AFF4: variants seen among roughly 807,000 people sequenced by gnomAD.
The protein encoded by AFF4 is ALF transcription elongation factor 4, also known as AF4/FMR2 family member 4.
Under a neutral mutation model 124.8 loss-of-function variants are expected in AFF4, and 13 were observed. The observed-to-expected ratio is 0.10, with a 90% CI of 0.07 to 0.17. The LOEUF (loss-of-function observed/expected upper bound fraction) is 0.17. Ranked by LOEUF, AFF4 falls within the 10% of genes least tolerant of loss-of-function variation. AFF4 has a pLI of 1.00. For missense variants in AFF4, 1,092 were observed against 1,403.8 expected (o/e 0.78, Z 3.55); for synonymous variants, 477 against 496.1 (o/e 0.96, Z 0.51).
At chr5:132,935,758 GA>G (rs765780057) in intron 2 of AFF4, among the ~76,000 whole-genome samples, 113 of 106,128 alleles carry the variant, frequency 1.1e-3, no homozygotes, top group East Asian at 1.7e-3. Flanking sequence ...CTCCATCTCC[GA>G]AAAAAAAAAA....
intron 17 of AFF4, among the ~76,000 whole-genome samples, chr5:132,886,732 A>G (rs1323903219): frequency 6.6e-6 from 1 of 152,232 alleles, no homozygotes; most frequent in Non-Finnish European, 1.5e-5. Flanking sequence ...ATCTAAAATT[A>G]AAAAACAAAA....
At chr5:132,894,900 G>T (rs1307585284) in intron 11 of AFF4, among the ~76,000 whole-genome samples, 2 of 152,162 alleles carry the variant, frequency 1.3e-5, no homozygotes, top group African/African-American at 4.8e-5. Context: ...GTTGCAGTGA[G>T]CTATGAATGC....
intron 5 of AFF4, among the ~76,000 whole-genome samples, chr5:132,919,396 C>T (rs1760987848): frequency 6.6e-6 from 1 of 152,142 alleles, no homozygotes. Context: ...TCAACTACAA[C>T]TGCAAAGGCA....
At chr5:132,943,929 G>T in intron 1 of AFF4, 1 of 163,952 alleles carries the variant, frequency 6.1e-6, no homozygotes, top group South Asian at 1.8e-4. Context: ...CTAAATTCTT[G>T]AAATCTGGTA....
At position 132,934,522 on chromosome 5, in the gene AFF4, A is replaced by T; in HGVS notation, c.543T>A (p.Pro181=). 1 of 1,614,172 alleles carries T rather than the reference A, an allele frequency of 6.2e-7. No individual in the cohort carries two copies. The highest frequency in any genetic ancestry group is 2.2e-5 in the East Asian group (1 of 44,882). Residue 181 remains proline (P), a synonymous_variant, in exon 3 of 21, where the codon CCT becomes CCA. Coordinates refer to ENST00000265343, the MANE Select transcript of AFF4 (RefSeq NM_014423.4). ...SEHSKSRSSS[P]GKPQAVSSLN... ...ATGAAGAAACAGCCTGGGGTTTTCC[A>T]GGGCTGGAAGAACGTGATTTGGAGT...
intron 1 of AFF4, among the ~76,000 whole-genome samples, chr5:132,954,839 G>C (rs934513560): frequency 6.6e-6 from 1 of 152,114 alleles, no homozygotes; most frequent in African/African-American, 2.4e-5. Flanking sequence ...GAGCCACCGC[G>C]CCCGGCCTAG....
chr5:132,884,698 G>A (rs975551595), intron 19 of AFF4, among the ~76,000 whole-genome samples: 16 of 152,182 alleles, frequency 1.1e-4, no homozygotes, highest in African/African-American at 3.4e-4. Context: ...TGGGATGAAA[G>A]TGACGTGGAG....
Position 132,877,472 on chromosome 5 carries a change from A to C in AFF4, c.*3587T>G, listed in dbSNP as rs900402541. ...AATGTGGAAATAGTTGCACTAAGCT[A>C]AAATACTAAACACACACATATTTGA... On this transcript the variant is annotated 3_prime_UTR_variant, in exon 21 of 21. Coordinates refer to ENST00000265343, the MANE Select transcript of AFF4 (RefSeq NM_014423.4). 3 of 214,812 alleles carry C rather than the reference A, an allele frequency of 1.4e-5. No individual in the cohort carries two copies. The highest frequency in any genetic ancestry group is 6.8e-5 in the African/African-American group (3 of 44,298). The allele number at this position is 214,812 out of a possible 1,614,324, so 13.3% of individuals were successfully genotyped here.
chr5:132,907,828 CCA>C (rs1254040425), intron 5 of AFF4, among the ~76,000 whole-genome samples: 1 of 151,746 alleles, frequency 6.6e-6, no homozygotes, highest in East Asian at 1.9e-4. Context: ...TAAAGGCAGC[CCA>C]CAGAGAGGAA....
chr5:132,898,216 C>A lies in AFF4; in HGVS notation c.1389+14G>T, dbSNP rs1181942396. On this transcript the variant is annotated intron_variant, in intron 10 of 20. Transcript: ENST00000265343. ...AGAGGGCCTGTGGAAGGTACCCCAC[C>A]GCCTCTGTCTCACCTCGGGAGATGC... The A allele has an allele frequency of 6.2e-7, 1 of 1,613,648 alleles. No individual in the cohort carries two copies. Among genetic ancestry groups the A allele is most frequent in the African/African-American group, 1.3e-5 (1 of 74,886 alleles).
chr5:132,936,781 T>C (rs780757704), intron 2 of AFF4, among the ~76,000 whole-genome samples: 14 of 152,214 alleles, frequency 9.2e-5, no homozygotes, highest in Non-Finnish European at 1.9e-4. Context: ...AAACGACTTT[T>C]AGGGTGCTGG....
rs201682647 is a variant in AFF4, at chr5:132,896,713, T to C, written c.1917A>G (p.Lys639=). The C allele has an allele frequency of 6.2e-7, 1 of 1,614,212 alleles. No homozygotes were observed. Among genetic ancestry groups the C allele is most frequent in the Non-Finnish European group, 8.5e-7 (1 of 1,180,036 alleles). ...KYKSTSKSSQ[K]SREIIETDTS... ...TATCTGTTTCTATGATTTCCCTTGATTTCTGGGAAGATTTACTTGTTGACT... is the reference window on the plus strand; with the variant it reads ...TATCTGTTTCTATGATTTCCCTTGACTTCTGGGAAGATTTACTTGTTGACT... The change falls in exon 11 of 21, where the codon AAA becomes AAG. Residue 639 remains lysine, a synonymous_variant. Transcript: ENST00000265343.
intron 8 of AFF4, 99 bp downstream of exon 8, chr5:132,899,488 C>T: frequency 9.2e-7 from 1 of 1,091,834 alleles, no homozygotes; most frequent in Non-Finnish European, 1.3e-6. Context: ...TTATAAGAAA[C>T]TTATTTTAAG....
intron 1 of AFF4, among the ~76,000 whole-genome samples, chr5:132,957,078 T>C (rs1761981604): frequency 7.3e-6 from 1 of 136,980 alleles, no homozygotes; most frequent in Non-Finnish European, 1.5e-5. Context: ...CAGTAACTCA[T>C]GCCTGGAATC....
At chr5:132,948,663 A>C (rs1468884757) in intron 1 of AFF4, 1 of 185,738 alleles carries the variant, frequency 5.4e-6, no homozygotes, top group Non-Finnish European at 1.2e-5. Context: ...AACCCTCTCT[A>C]TAGACCATGA....
chr5:132,902,111 G>A (rs1021297846), intron 7 of AFF4, among the ~76,000 whole-genome samples: 3 of 152,136 alleles, frequency 2.0e-5, no homozygotes, highest in African/African-American at 4.8e-5. Context: ...GAAGTGGCAC[G>A]ATCTCGGCTC....
intron 1 of AFF4, among the ~76,000 whole-genome samples, chr5:132,939,182 T>C (rs978701577): frequency 1.5e-5 from 2 of 135,930 alleles, no homozygotes; most frequent in African/African-American, 5.7e-5. Context: ...GTGCCACTGA[T>C]CTCCAGCCTG....
intron 5 of AFF4, among the ~76,000 whole-genome samples, chr5:132,919,706 C>T (rs192132773): frequency 1.1e-4 from 17 of 152,048 alleles, no homozygotes; most frequent in East Asian, 7.8e-4. Context: ...AAAAATTAGC[C>T]GGGTGTGGTG....
At position 132,897,257 on chromosome 5, in the gene AFF4, T is replaced by C; in HGVS notation, c.1390-17A>G. ...GGGTTCAGGCTGAAAAACAGAGAAA[T>C]ATGTATGCTTTTTTCGATACTGAAT... is the stretch of plus-strand genomic sequence containing the variant. On this transcript the variant is annotated splice_polypyrimidine_tract_variant and intron_variant, in intron 10 of 20. Coordinates refer to ENST00000265343, the MANE Select transcript of AFF4 (RefSeq NM_014423.4). 6.2e-7 allele frequency: 1 copy of C among 1,602,168 alleles called. No homozygotes were observed. Among genetic ancestry groups the C allele is most frequent in the Non-Finnish European group, 8.5e-7 (1 of 1,173,188 alleles).
Sources: gnomAD v4.1 joint callset for allele counts (sites outside exome capture counted in the v4.1 genomes callset) on GRCh38, gnomAD v4.1.1 for gene constraint, MANE v1.5 for transcripts, NCBI Gene and HGNC (gene_info 2026-07-23, HGNC 2026-07-21) for gene names.